Variants in FERMT3 observed in about 807,000 individuals in gnomAD.
FERMT3 encodes FERM domain containing kindlin 3.
In FERMT3, 33 loss-of-function variants were observed where a neutral mutation model predicts 80.8. That is an observed-to-expected ratio of 0.41 (90% CI 0.31 to 0.55). The LOEUF (loss-of-function observed/expected upper bound fraction) is 0.55, where lower values mean the gene tolerates loss of function less well. Ranked by LOEUF, FERMT3 falls within the 20% of genes least tolerant of loss-of-function variation. The probability of loss-of-function intolerance (pLI) is 0.31; values close to 1 mark genes in which losing one functional copy is unlikely to be tolerated. For missense variants in FERMT3, 754 were observed against 908.7 expected, an observed-to-expected ratio of 0.83 and a Z score of 2.19; for synonymous variants, 375 against 372.2, an observed-to-expected ratio of 1.01 and a Z score of -0.09.
chr11:64,222,674 C>T lies in FERMT3; in HGVS notation c.1671-374C>T, dbSNP rs570659459. ...CTGTCTGGGCCTGGGTTCGCCGGTC[C>T]GCAAGACAGGGCTAGCGGTGGATGC... On this transcript the variant is annotated intron_variant, in intron 13 of 14. Coordinates refer to ENST00000345728, the MANE Select transcript of FERMT3 (RefSeq NM_031471.6). Among the ~76,000 whole-genome samples the T allele has an allele frequency of 7.2e-4, 109 of 152,130 alleles. 1 individual carries two copies. The highest frequency in any genetic ancestry group is 2.6e-3 in the African/African-American group (107 of 41,490).
chr11:64,214,416 G>T (rs1004007770), intron 6 of FERMT3, among the ~76,000 whole-genome samples: 1 of 152,064 alleles, frequency 6.6e-6, no homozygotes, highest in East Asian at 1.9e-4. Context: ...TGTGATCTTG[G>T]CTCACTGCAA....
chr11:64,210,773 G>A lies in FERMT3; in HGVS notation c.323G>A (p.Arg108His), dbSNP rs555550645. The change falls in exon 3 of 15, where the codon CGC becomes CAC. Residue 108 changes from arginine to histidine, a missense_variant. Arg to His is a conservative substitution (Grantham distance 29, BLOSUM62 0). Transcript: ENST00000345728. The surrounding 1 kb of genome is among the most constrained non-coding windows in gnomAD (Gnocchi z 4.3). ...GTCATCCTTCGGTTGCCCAACCGCC[G>A]CGCACTGCGCCTCCGTGCCAGCTTC... Reference protein sequence around the residue: ...RPVILRLPNRRALRLRASFSQ... With the variant: ...RPVILRLPNRHALRLRASFSQ... The A allele has an allele frequency of 3.5e-5, 57 of 1,614,038 alleles. No individual in the cohort carries two copies. Among genetic ancestry groups the A allele is most frequent in the South Asian group, 2.7e-4 (25 of 91,076 alleles).
intron 2 of FERMT3, among the ~76,000 whole-genome samples, chr11:64,208,827 A>C (rs780708292): frequency 1.3e-5 from 2 of 152,128 alleles, no homozygotes; most frequent in Non-Finnish European, 1.5e-5. Context: ...GTGCCTGGCC[A>C]GCTCTGCATG....
rs1399791347 is a variant in FERMT3 at position 64,210,521 on chromosome 11, C to T, written c.161-90C>T. ...GGCTTAGGCAGGGCAGGGGAGTGGT[C>T]GCCCCAGGCTTCTGAATCCTGGGGT... On this transcript the variant is annotated intron_variant, in intron 2 of 14. Transcript: ENST00000345728. The surrounding 1 kb of genome is among the most constrained non-coding windows in gnomAD (Gnocchi z 4.3). 1.4e-5 allele frequency: 19 copies of T among 1,341,860 alleles called. No homozygotes were observed. The highest frequency in any genetic ancestry group is 4.3e-5 in the African/African-American group (3 of 69,592). The allele number at this position is 1,341,860 out of a possible 1,614,324, so 83.1% of individuals were successfully genotyped here. A position where few individuals can be genotyped will look rare whatever the true frequency, so the allele number is the denominator to read the frequency against.
chr11:64,214,871 C>T (rs780068710), intron 6 of FERMT3, among the ~76,000 whole-genome samples: 2 of 148,002 alleles, frequency 1.4e-5, no homozygotes, highest in Admixed American at 6.7e-5. Flanking sequence ...GGCGTGATCT[C>T]GGCCCACTGC....
At chr11:64,214,817 T>C (rs1458251262) in intron 6 of FERMT3, among the ~76,000 whole-genome samples, 2 of 150,840 alleles carry the variant, frequency 1.3e-5, no homozygotes, top group Non-Finnish European at 3.0e-5. Flanking sequence ...TTTTTTTTTT[T>C]TTGAGAGGGA....
chr11:64,216,612 C>G (rs1399614396), intron 6 of FERMT3, among the ~76,000 whole-genome samples: 3 of 149,796 alleles, frequency 2.0e-5, no homozygotes, highest in Non-Finnish European at 4.5e-5. Flanking sequence ...CTGGCTAACA[C>G]GGTGAAACCC....
At chr11:64,217,180 G>A (rs1180973081) in intron 6 of FERMT3, among the ~76,000 whole-genome samples, 1 of 152,174 alleles carries the variant, frequency 6.6e-6, no homozygotes, top group African/African-American at 2.4e-5. Flanking sequence ...GAGATAGAAG[G>A]CTTCCTGCCA....
chr11:64,211,188 G>C lies in FERMT3; in HGVS notation c.514+17G>C. 6.4e-7 allele frequency: 1 copy of C among 1,552,664 alleles called. No homozygotes were observed. Among genetic ancestry groups the C allele is most frequent in the East Asian group, 2.4e-5 (1 of 41,698 alleles). On this transcript the variant is annotated intron_variant, in intron 4 of 14. Coordinates refer to ENST00000345728, the MANE Select transcript of FERMT3 (RefSeq NM_031471.6). This position sits in a 1 kb window ranked among gnomAD's most constrained non-coding sequence, Gnocchi z 4.7. ...TGGCTGGGGGTGAGTGCAAGTGGGG[G>C]TGGGCCTGGGGGGTTGGGGGCAGGG...
intron 6 of FERMT3, among the ~76,000 whole-genome samples, chr11:64,215,623 G>C (rs1415319667): frequency 6.6e-6 from 1 of 151,948 alleles, no homozygotes; most frequent in Admixed American, 6.6e-5. Context: ...ACCCAGACTA[G>C]AGTGCAGTGG....
chr11:64,214,305 C>T (rs1289373771), intron 6 of FERMT3, among the ~76,000 whole-genome samples: 1 of 151,008 alleles, frequency 6.6e-6, no homozygotes, highest in East Asian at 2.0e-4. Context: ...GTAGCTGGGA[C>T]TGCAGGCACG....
rs772395750 is a variant in FERMT3 at position 64,223,366 on chromosome 11, C to T, written c.1866C>T (p.Ala622=). The T allele has an allele frequency of 1.1e-5, 18 of 1,613,978 alleles. No individual in the cohort carries two copies. The highest frequency in any genetic ancestry group is 1.5e-5 in the Non-Finnish European group (18 of 1,180,050). Residue 622 remains alanine, a synonymous_variant, in exon 15 of 15, where the codon GCC becomes GCT. Transcript: ENST00000345728. ...ATGTGGCCTTCAGCTGCGTGTCTGC[C>T]AGCTGCCGAATTGTACACGAGTATA... ...HINVAFSCVS[A]SCRIVHEYIG... is the part of the protein sequence containing the mutation.
In FERMT3 at chr11:64,223,070, G is replaced by A. The variant is rs1364429871; in HGVS notation, c.1693G>A (p.Glu565Lys). ...MVRFKGSRKD[E>K]ILGIANNRLI... is the part of the protein sequence containing the mutation. ...CAGGTTCAAGGGCAGCAGGAAAGAC[G>A]AGATCCTGGGCATCGCCAACAACCG... is the stretch of plus-strand genomic sequence containing the variant. The change falls in exon 14 of 15, where the codon GAG (glutamate) becomes AAG (lysine). Residue 565 changes from glutamate to lysine, a missense_variant. Coordinates refer to ENST00000345728, the MANE Select transcript of FERMT3 (RefSeq NM_031471.6). 2.5e-6 allele frequency: 4 copies of A among 1,613,738 alleles called. No individual in the cohort carries two copies. Among genetic ancestry groups the A allele is most frequent in the Non-Finnish European group, 3.4e-6 (4 of 1,180,042 alleles).
chr11:64,213,048 AC>A (rs1211819071), intron 6 of FERMT3, among the ~76,000 whole-genome samples: 2 of 147,780 alleles, frequency 1.4e-5, no homozygotes, highest in Non-Finnish European at 3.0e-5. Context: ...CGTGTACTAT[AC>A]CTGGCTAATT....
In FERMT3 at chr11:64,211,093, GAGA is replaced by G. The variant is rs776324976; in HGVS notation, c.442_444del (p.Lys148del). 21 of 1,570,590 alleles carry G rather than the reference GAGA, an allele frequency of 1.3e-5. No homozygotes were observed. The highest frequency in any genetic ancestry group is 2.4e-5 in the East Asian group (1 of 42,160). On this transcript the variant is annotated inframe_deletion, in exon 4 of 15. Coordinates refer to ENST00000345728, the MANE Select transcript of FERMT3 (RefSeq NM_031471.6). The surrounding 1 kb of genome is among the most constrained non-coding windows in gnomAD (Gnocchi z 4.7). ...GGAGCTGTCCCTGCTCCGGGCTCCT[GAGA>G]AGAAGGAGAAGAAGAAGAAAGAGAA...
rs920303282 is a variant in FERMT3, at chr11:64,207,374, A to C, written c.10A>C (p.Met4Leu). ...AGCAGCAGCCGCAGCCATGGCGGGG[A>C]TGAAGACAGCCTCCGGGGACTACAT... Reference protein sequence around the residue: MAGMKTASGDYIDS... With the variant: MAGLKTASGDYIDS... Residue 4 changes from methionine (M) to leucine (L), a missense_variant, in exon 2 of 15, where the codon ATG becomes CTG. By Grantham distance (15) the Met-to-Leu change is conservative (BLOSUM62 2). Transcript: ENST00000345728. 6.2e-7 allele frequency: 1 copy of C among 1,614,034 alleles called. No individual in the cohort carries two copies. Among genetic ancestry groups the C allele is most frequent in the Admixed American group, 1.7e-5 (1 of 60,012 alleles).
rs1591026140 is a variant in FERMT3 at position 64,210,223 on chromosome 11, C to G, written c.161-388C>G. Reference sequence around the variant, plus strand: ...TACAACGGTGAGACAGACGTAGTCTCTGCCTCCAGGAGCTCCCCAGAATGC... The same window carrying G: ...TACAACGGTGAGACAGACGTAGTCTGTGCCTCCAGGAGCTCCCCAGAATGC... On this transcript the variant is annotated intron_variant, in intron 2 of 14. Coordinates refer to ENST00000345728, the MANE Select transcript of FERMT3 (RefSeq NM_031471.6). This position sits in a 1 kb window ranked among gnomAD's most constrained non-coding sequence, Gnocchi z 4.3. Among the ~76,000 whole-genome samples, 1 of 152,218 alleles carries G rather than the reference C, an allele frequency of 6.6e-6. No homozygotes were observed. The highest frequency in any genetic ancestry group is 2.4e-5 in the African/African-American group (1 of 41,452).
At chr11:64,214,292 C>G (rs1207238912) in intron 6 of FERMT3, among the ~76,000 whole-genome samples, 1 of 151,926 alleles carries the variant, frequency 6.6e-6, no homozygotes, top group Non-Finnish European at 1.5e-5. Context: ...TTCAGCCTCC[C>G]AAGTAGCTGG....
chr11:64,216,049 C>G (rs1946542063), intron 6 of FERMT3, among the ~76,000 whole-genome samples: 1 of 152,032 alleles, frequency 6.6e-6, no homozygotes, highest in South Asian at 2.1e-4. Context: ...TCAGGCTGGT[C>G]TCACACTCCT....
Sources: gnomAD v4.1 joint callset for allele counts (sites outside exome capture counted in the v4.1 genomes callset) on GRCh38, gnomAD v4.1.1 for gene constraint, Gnocchi (gnomAD v3.1) non-coding constraint, MANE v1.5 for transcripts, NCBI Gene and HGNC (gene_info 2026-07-23, HGNC 2026-07-21) for gene names.